DDX42: variants seen among roughly 807,000 people sequenced by gnomAD.
The protein encoded by DDX42 is ATP-dependent RNA helicase DDX42.
In DDX42, 22 loss-of-function variants were observed where a neutral mutation model predicts 101.5. That is an observed-to-expected ratio of 0.22 (90% CI 0.15 to 0.31). The LOEUF (loss-of-function observed/expected upper bound fraction) is 0.31. DDX42 is among the 10% of genes least tolerant of loss of function. The probability of loss-of-function intolerance (pLI) is 1.00; values close to 1 mark genes in which losing one functional copy is unlikely to be tolerated. For synonymous variants in DDX42, 402 were observed against 401.2 expected (o/e 1.00, Z -0.02); for missense variants, 849 against 1,199.9 (o/e 0.71, Z 4.32).
rs1229228350 is a variant in DDX42 at position 63,815,637 on chromosome 17, C to T, written c.1977C>T (p.Gly659=). 3 of 1,614,014 alleles carry T rather than the reference C, an allele frequency of 1.9e-6. No individual in the cohort carries two copies. In the Admixed American group the frequency reaches 5.0e-5, roughly 27 times the overall value. Residue 659 remains glycine (G), a synonymous_variant, in exon 16 of 18, where the codon GGC becomes GGT. Transcript: ENST00000389924. ...KKLNIGGGGL[G]YRERPGLGSE... ...TGAACATTGGTGGAGGAGGCCTAGG[C>T]TACAGGGAGCGGCCTGGCCTGGGCT...
In DDX42 at chr17:63,811,924, C is replaced by T. The variant is rs1463511338; in HGVS notation, c.1399-8C>T. The T allele has an allele frequency of 6.2e-7, 1 of 1,614,190 alleles. No homozygotes were observed. The highest frequency in any genetic ancestry group is 8.5e-7 in the Non-Finnish European group (1 of 1,180,020). The stretch of plus-strand genomic sequence containing the variant: ...TCACAATCATCTGTTTCATTTCTTC[C>T]TTCTCAGGCAAATGAAGATGTGACA... On this transcript the variant is annotated splice_region_variant and splice_polypyrimidine_tract_variant and intron_variant, in intron 13 of 17. Transcript: ENST00000389924.
At chr17:63,817,579 C>A in intron 17 of DDX42, 115 bp from the exon 18 acceptor site, 1 of 1,024,122 alleles carries the variant, frequency 9.8e-7, no homozygotes, top group Non-Finnish European at 1.4e-6. Flanking sequence ...GGACACTAAA[C>A]TCACAGTGCC....
intron 6 of DDX42, among the ~76,000 whole-genome samples, chr17:63,803,429 T>C (rs1446022150): frequency 6.6e-6 from 1 of 151,256 alleles, no homozygotes; most frequent in African/African-American, 2.4e-5. Context: ...GTCTTTGGGA[T>C]TGGTGGCAGG....
intron 7 of DDX42, 85 bp from the exon 8 acceptor site, chr17:63,806,450 G>T: frequency 7.1e-7 from 1 of 1,404,404 alleles, no homozygotes; most frequent in Non-Finnish European, 9.5e-7. Context: ...CAGCTAAAAT[G>T]CTAGATCCAG....
chr17:63,810,905 AAAAAT>A (rs2039902018), intron 12 of DDX42, among the ~76,000 whole-genome samples, 166 bp from the exon 13 acceptor site: 1 of 152,244 alleles, frequency 6.6e-6, no homozygotes, highest in Non-Finnish European at 1.5e-5. Flanking sequence ...AAAATGTAAT[AAAAAT>A]AGAATAAGAG....
chr17:63,807,926 C>T, intron 9 of DDX42, 26 bp downstream of exon 9: 5 of 1,595,042 alleles, frequency 3.1e-6, no homozygotes, highest in Non-Finnish European at 4.3e-6. Context: ...AGAATGCCTC[C>T]TTCCATATGT....
At chr17:63,775,723 C>T (rs2039412648) in intron 1 of DDX42, among the ~76,000 whole-genome samples, 1 of 152,096 alleles carries the variant, frequency 6.6e-6, no homozygotes, top group Non-Finnish European at 1.5e-5. Context: ...GAGATAAGGT[C>T]AGGGAAGAAT....
At chr17:63,797,446 T>C (rs1344067617) in intron 3 of DDX42, among the ~76,000 whole-genome samples, 1 of 152,016 alleles carries the variant, frequency 6.6e-6, no homozygotes. Context: ...TTAGTAGATG[T>C]AGAACAGAAT....
rs1421849140 is a variant in DDX42 at position 63,805,183 on chromosome 17, T to C, written c.726+8T>C. On this transcript the variant is annotated splice_region_variant and intron_variant, in intron 7 of 17. Coordinates refer to ENST00000389924, the MANE Select transcript of DDX42 (RefSeq NM_203499.3). ...CATAAGCTCAATCTTCGGGTAAGCA[T>C]CATTAAGCTCAATATTCTTAATATT... 6.2e-7 allele frequency: 1 copy of C among 1,610,500 alleles called. No individual in the cohort carries two copies.
chr17:63,799,509 C>G (rs752116542), intron 4 of DDX42, 80 bp from the exon 5 acceptor site: 2 of 1,527,994 alleles, frequency 1.3e-6, no homozygotes, highest in Admixed American at 3.6e-5. Context: ...GTGTGGAATT[C>G]AACACTAATC....
intron 3 of DDX42, among the ~76,000 whole-genome samples, chr17:63,795,119 C>T (rs2039677442): frequency 6.6e-6 from 1 of 152,020 alleles, no homozygotes. Context: ...TGTGAGCCAA[C>T]ATTTTTAGTA....
chr17:63,781,375 G>A (rs1246191602), intron 1 of DDX42, among the ~76,000 whole-genome samples: 2 of 151,998 alleles, frequency 1.3e-5, no homozygotes, highest in Non-Finnish European at 2.9e-5. Flanking sequence ...CCGCCACCAC[G>A]TCCGGCTAAT....
chr17:63,804,935 A>G, intron 6 of DDX42, 136 bp from the exon 7 acceptor site: 1 of 1,079,574 alleles, frequency 9.3e-7, no homozygotes, highest in Non-Finnish European at 1.3e-6. Flanking sequence ...AGCTGAGAAT[A>G]AATTAATTTT....
chr17:63,811,433 AACTT>A, intron 13 of DDX42: 2 of 398,070 alleles, frequency 5.0e-6, no homozygotes, highest in South Asian at 9.3e-5. Flanking sequence ...AATGTCTCAA[AACTT>A]ACAATTGTTT....
In DDX42 at chr17:63,774,276, A is replaced by C; in HGVS notation, c.-117A>C. ...GCGGCGGCGAAGGGGGCGGAGAGGA[A>C]GGAGCGCGGCGGGACCGGGCCGGGA... On this transcript the variant is annotated 5_prime_UTR_variant, in exon 1 of 18. Coordinates refer to ENST00000389924, the MANE Select transcript of DDX42 (RefSeq NM_203499.3). 1 of 294,020 alleles carries C rather than the reference A, an allele frequency of 3.4e-6. No homozygotes were observed. The highest frequency in any genetic ancestry group is 6.2e-6 in the Non-Finnish European group (1 of 161,130). The allele number at this position is 294,020 out of a possible 1,614,324, so 18.2% of individuals were successfully genotyped here. A position where few individuals can be genotyped will look rare whatever the true frequency, so the allele number is the denominator to read the frequency against.
At chr17:63,776,909 C>T (rs896171545) in intron 1 of DDX42, among the ~76,000 whole-genome samples, 1 of 151,960 alleles carries the variant, frequency 6.6e-6, no homozygotes. Flanking sequence ...AGGAAACCAC[C>T]GTGTTTTATT....
intron 3 of DDX42, among the ~76,000 whole-genome samples, chr17:63,793,276 A>AT (rs2039651021): frequency 2.0e-5 from 2 of 98,360 alleles, no homozygotes; most frequent in South Asian, 3.2e-4. Context: ...TCTTTCTTTT[A>AT]TTTTTTTGAG....
intron 15 of DDX42, among the ~76,000 whole-genome samples, chr17:63,814,364 C>T (rs2039949741): frequency 6.6e-6 from 1 of 152,214 alleles, no homozygotes. Context: ...TAGGCCAGCT[C>T]ACACAACTGG....
chr17:63,789,546 C>CGTTTTTTTTTTTTTTTTTTTTTTTTTTT (rs138224520), intron 2 of DDX42, among the ~76,000 whole-genome samples: 1 of 121,850 alleles, frequency 8.2e-6, no homozygotes. Context: ...TTCTAAAAGA[C>CGTTTTTTTTTTTTTTTTTTTTTTTTTTT]TTTTTTGTTT....
Sources: gnomAD v4.1 joint callset for allele counts (sites outside exome capture counted in the v4.1 genomes callset) on GRCh38, gnomAD v4.1.1 for gene constraint, MANE v1.5 for transcripts, NCBI Gene and HGNC (gene_info 2026-07-23, HGNC 2026-07-21) for gene names.